The following NFIB variants were observed in gnomAD, a reference collection of about 807,000 sequenced individuals.
The protein encoded by NFIB is nuclear factor 1 B-type.
A neutral mutation model predicts 61.5 loss-of-function variants in NFIB; 11 were observed. The ratio of observed to expected loss-of-function variants is 0.18; its 90% confidence interval spans 0.11 to 0.30. The LOEUF (loss-of-function observed/expected upper bound fraction) is 0.30. Among genes scored for constraint, NFIB ranks in the 10% least tolerant of loss-of-function variants. The probability of loss-of-function intolerance (pLI) is 1.00; values close to 1 mark genes in which losing one functional copy is unlikely to be tolerated. For synonymous variants in NFIB, 260 were observed against 216.5 expected (o/e 1.20, Z -1.76); for missense variants, 471 against 608.9 (o/e 0.77, Z 2.38).
chr9:14,367,351 G>A (rs981776317), intron 1 of NFIB, among the ~76,000 whole-genome samples: 1 of 151,910 alleles, frequency 6.6e-6, no homozygotes, highest in African/African-American at 2.4e-5. Context: ...GATGTCTCTT[G>A]AGCTGTGTGT....
intron 1 of NFIB, among the ~76,000 whole-genome samples, chr9:14,333,743 G>A (rs2060849382): frequency 6.6e-6 from 1 of 152,102 alleles, no homozygotes; most frequent in Non-Finnish European, 1.5e-5. Context: ...TCTATATAAT[G>A]TGTATCTAGG....
chr9:14,465,777 G>T, the NFIB span, among the ~76,000 whole-genome samples: 1 of 152,094 alleles, frequency 6.6e-6, no homozygotes, highest in Admixed American at 6.5e-5. Flanking sequence ...GACATTTGGG[G>T]CCGAGACAAT....
At chr9:14,513,813 T>C in the NFIB span, among the ~76,000 whole-genome samples, 1 of 152,150 alleles carries the variant, frequency 6.6e-6, no homozygotes. Context: ...TTACTTCACC[T>C]CTCTGTGCCT....
the NFIB span, among the ~76,000 whole-genome samples, chr9:14,430,903 AT>A: frequency 6.6e-6 from 1 of 152,104 alleles, no homozygotes; most frequent in Non-Finnish European, 1.5e-5. Flanking sequence ...TATAATTGAC[AT>A]TTTGGAGAGA....
the NFIB span, among the ~76,000 whole-genome samples, chr9:14,483,376 A>G: frequency 2.0e-5 from 3 of 152,254 alleles, no homozygotes; most frequent in Non-Finnish European, 4.4e-5. Context: ...ATATCTTTGC[A>G]TACACAGAAT....
In NFIB at chr9:14,396,976, T is replaced by C. The variant is rs561099785; in HGVS notation, c.108+1548A>G. On this transcript the variant is annotated intron_variant, in intron 1 of 8. Transcript: ENST00000380934. ...ATGTCATGACTTTATAGGAAGTAAA[T>C]ATAATTTGGATTCTAAAAACTAAGT... 1.1e-4 allele frequency among the ~76,000 whole-genome samples: 17 copies of C among 152,246 alleles called. No individual in the cohort carries two copies. In the South Asian group the frequency reaches 3.5e-3, roughly 32 times the overall value.
the NFIB span, among the ~76,000 whole-genome samples, chr9:14,501,406 T>G: frequency 6.6e-6 from 1 of 152,216 alleles, no homozygotes. Context: ...CTTAGTATTT[T>G]AATCTTCTTT....
At chr9:14,257,583 T>C (rs2056345125) in intron 2 of NFIB, among the ~76,000 whole-genome samples, 1 of 152,062 alleles carries the variant, frequency 6.6e-6, no homozygotes, top group African/African-American at 2.4e-5. Context: ...GGCGAAACCC[T>C]GTCTCTTCTA....
At chr9:14,129,323 G>T (rs964860083) in intron 6 of NFIB, among the ~76,000 whole-genome samples, 1 of 149,208 alleles carries the variant, frequency 6.7e-6, no homozygotes, top group African/African-American at 2.5e-5. Context: ...AAAATACACT[G>T]CTACACAGCA....
chr9:14,170,523 T>A (rs1452416900), intron 3 of NFIB, among the ~76,000 whole-genome samples: 6 of 152,138 alleles, frequency 3.9e-5, no homozygotes, highest in African/African-American at 2.4e-5. Context: ...ATGCCTGTTG[T>A]CCCAGCTACT....
At chr9:14,156,171 T>C (rs1423721180) in intron 3 of NFIB, among the ~76,000 whole-genome samples, 3 of 152,214 alleles carry the variant, frequency 2.0e-5, no homozygotes, top group Non-Finnish European at 4.4e-5. Flanking sequence ...GGCCCATGCA[T>C]ACAGAATGGT....
the NFIB span, among the ~76,000 whole-genome samples, chr9:14,496,413 T>C: frequency 2.6e-4 from 40 of 152,208 alleles, no homozygotes; most frequent in Non-Finnish European, 1.5e-5. Context: ...TGTGGCACCA[T>C]GTTGGTGCTT....
chr9:14,493,735 T>A, the NFIB span, among the ~76,000 whole-genome samples: 4 of 152,222 alleles, frequency 2.6e-5, no homozygotes, highest in Non-Finnish European at 5.9e-5. Context: ...CTTTAGTGTG[T>A]CTGGCACAAA....
chr9:14,471,842 G>C, the NFIB span, among the ~76,000 whole-genome samples: 1 of 152,128 alleles, frequency 6.6e-6, no homozygotes, highest in African/African-American at 2.4e-5. Flanking sequence ...TCCCAGTTGG[G>C]ACAAACAGGA....
chr9:14,506,988 T>C, the NFIB span, among the ~76,000 whole-genome samples: 1 of 152,214 alleles, frequency 6.6e-6, no homozygotes, highest in Non-Finnish European at 1.5e-5. Flanking sequence ...GAACAGCATA[T>C]CTACAGGCGA....
chr9:14,371,605 T>A (rs573672763), intron 1 of NFIB, among the ~76,000 whole-genome samples: 3 of 152,366 alleles, frequency 2.0e-5, no homozygotes, highest in East Asian at 3.9e-4. Context: ...AGTTTGCCTG[T>A]AACAGTATTT....
At chr9:14,248,325 C>T (rs547239129) in intron 2 of NFIB, among the ~76,000 whole-genome samples, 158 of 149,932 alleles carry the variant, frequency 1.1e-3, no homozygotes, top group Non-Finnish European at 1.4e-3. Context: ...TCCCTTCCTT[C>T]CTTTCTTCCT....
At chr9:14,401,335 G>A (rs1487048280), upstream of NFIB, among the ~76,000 whole-genome samples, 1 of 152,100 alleles carries the variant, frequency 6.6e-6, no homozygotes, top group African/African-American at 2.4e-5. Context: ...TCAATCTTGT[G>A]GCACAGACAC....
At chr9:14,162,865 G>T (rs1563851257) in intron 3 of NFIB, among the ~76,000 whole-genome samples, 1 of 151,988 alleles carries the variant, frequency 6.6e-6, no homozygotes, top group Non-Finnish European at 1.5e-5. Flanking sequence ...AGTTTACTAA[G>T]TGGGCTATGT....
Sources: allele counts gnomAD v4.1 joint callset (sites outside exome capture counted in the v4.1 genomes callset), GRCh38; gene constraint gnomAD v4.1.1; transcripts MANE v1.5; gene names NCBI Gene and HGNC (gene_info 2026-07-23, HGNC 2026-07-21).